The following INPP4A variants were observed in gnomAD, a reference collection of about 807,000 sequenced individuals.
INPP4A encodes the protein inositol polyphosphate-4-phosphatase, type I, 107kD.
INPP4A carries 33 observed loss-of-function variants against 119.8 expected under a neutral mutation model. The ratio of observed to expected loss-of-function variants is 0.28; its 90% CI spans 0.21 to 0.37. INPP4A has a LOEUF of 0.37. INPP4A is among the 10% of genes least tolerant of loss of function. The pLI, the probability that INPP4A is intolerant of heterozygous loss-of-function variation, is 1.00. For missense variants in INPP4A, 956 were observed against 1,289.9 expected, an observed-to-expected ratio of 0.74 and a Z score of 3.97; for synonymous variants, 496 against 500.7, an observed-to-expected ratio of 0.99 and a Z score of 0.12.
At chr2:98,509,064 G>A (rs1684641115) in intron 1 of INPP4A, among the ~76,000 whole-genome samples, 1 of 152,178 alleles carries the variant, frequency 6.6e-6, no homozygotes. Context: ...CTTCAGAAGA[G>A]GCTTGGCCCC....
chr2:98,509,888 A>G (rs1396818252), intron 1 of INPP4A, among the ~76,000 whole-genome samples: 1 of 152,256 alleles, frequency 6.6e-6, no homozygotes, highest in Non-Finnish European at 1.5e-5. Context: ...GGGCTGTCCC[A>G]AAGAACTCCA....
At chr2:98,556,697 T>C (rs993011761) in intron 16 of INPP4A, among the ~76,000 whole-genome samples, 2 of 152,244 alleles carry the variant, frequency 1.3e-5, no homozygotes, top group African/African-American at 4.8e-5. Flanking sequence ...AAATTCTGAA[T>C]TGGAGAACTT....
rs771298129 is a variant in INPP4A at position 98,546,688 on chromosome 2, A to G, written c.1157A>G (p.Lys386Arg). 3.8e-6 allele frequency: 6 copies of G among 1,584,850 alleles called. No homozygotes were observed. In the East Asian group the frequency reaches 1.1e-4, roughly 30 times the overall value. ...RKKLHKFEET[K>R]KHTSSGCQSI... ...AAGCTGCACAAATTTGAAGAGACCA[A>G]GAAACAGTAAGTAGCCAGAGAGGGT... is the stretch of plus-strand genomic sequence containing the variant. The change falls in exon 13 of 25, where the codon AAG (lysine) becomes AGG (arginine). Residue 386 changes from lysine to arginine, a missense_variant. By Grantham distance (26) the Lys-to-Arg change is conservative. Around this residue, in one of 2 missense-constraint regions of INPP4A, gnomAD observed 652 missense variants for 797.9 expected, o/e 0.82. Coordinates refer to ENST00000409851, the MANE Select transcript of INPP4A (RefSeq NM_001134225.2). This position sits in a 1 kb window ranked among gnomAD's most constrained non-coding sequence, Gnocchi z 4.2.
At position 98,587,486 on chromosome 2, in the gene INPP4A, C is replaced by T. The variant is rs1370549873; in HGVS notation, c.2797C>T (p.Arg933Ter). The change falls in exon 25 of 25, where the codon CGA (arginine) becomes TGA (stop). Residue 933 changes from arginine (R) to a stop codon, truncating the protein, a stop_gained. Coordinates refer to ENST00000409851, the MANE Select transcript of INPP4A (RefSeq NM_001134225.2). LOFTEE classifies it high-confidence loss of function. ...ALECMRSEGC[R>*]RENTMKNVGS... is the part of the protein sequence containing the mutation. Reference sequence around the variant, plus strand: ...TTGTTTTTTCCCCAGTGAGGGTTGTCGAAGAGAAAATACAATGAAGAATGT... The same window carrying T: ...TTGTTTTTTCCCCAGTGAGGGTTGTTGAAGAGAAAATACAATGAAGAATGT... 5 of 1,587,080 alleles carry T rather than the reference C, an allele frequency of 3.2e-6. No individual in the cohort carries two copies. The highest frequency in any genetic ancestry group is 3.4e-6 in the Non-Finnish European group (4 of 1,169,236).
chr2:98,552,987 C>T lies in INPP4A; in HGVS notation c.1347+18C>T, dbSNP rs1217412779. 1.9e-6 allele frequency: 3 copies of T among 1,591,378 alleles called. No homozygotes were observed. Among genetic ancestry groups the T allele is most frequent in the South Asian group, 1.1e-5 (1 of 87,948 alleles). ...CAGACAAGGTAGGAGGGGTGCCCTG[C>T]TACATATGGGCTGGGGAGTTTCCTT... is the stretch of plus-strand genomic sequence containing the variant. On this transcript the variant is annotated intron_variant, in intron 14 of 24. Transcript: ENST00000409851.
chr2:98,482,888 C>CT (rs1010354087), intron 1 of INPP4A, among the ~76,000 whole-genome samples: 8 of 152,210 alleles, frequency 5.3e-5, no homozygotes, highest in South Asian at 4.1e-4. Context: ...AAACCTGACA[C>CT]TTTTTTAGCA....
At chr2:98,457,358 TACCAGCCTGGTCGGTATAGTGAG>T (rs1696299596) in intron 1 of INPP4A, among the ~76,000 whole-genome samples, 1 of 152,160 alleles carries the variant, frequency 6.6e-6, no homozygotes, top group Admixed American at 6.5e-5. Flanking sequence ...AGGAGTTTGA[TACCAGCCTGGTCGGTATAGTGAG>T]ACCAGCCTGT....
At chr2:98,468,743 G>C (rs948232848) in intron 1 of INPP4A, among the ~76,000 whole-genome samples, 1 of 152,130 alleles carries the variant, frequency 6.6e-6, no homozygotes. Flanking sequence ...GATAGAAGTC[G>C]ATAACTCCTC....
chr2:98,524,770 A>T (rs1234844015), intron 4 of INPP4A, among the ~76,000 whole-genome samples: 1 of 152,222 alleles, frequency 6.6e-6, no homozygotes, highest in Non-Finnish European at 1.5e-5. Context: ...ATAATAGAAG[A>T]AACAAAAGAG....
At position 98,539,628 on chromosome 2, in the gene INPP4A, C is replaced by T. The variant is rs781432748; in HGVS notation, c.771C>T (p.His257=). 39 of 1,610,792 alleles carry T rather than the reference C, an allele frequency of 2.4e-5. No individual in the cohort carries two copies. Among genetic ancestry groups the T allele is most frequent in the Non-Finnish European group, 2.8e-5 (33 of 1,178,582 alleles). The change falls in exon 10 of 25, where the codon CAC becomes CAT. Residue 257 remains histidine, a synonymous_variant. Transcript: ENST00000409851. ...EQMAESVLSL[H]VPRQFVKLLL... The stretch of plus-strand genomic sequence containing the variant: ...TGGCAGAGAGCGTGCTCTCCCTGCA[C>T]GTGCCCCGGCAGTTCGTGAAGCTCC...
At chr2:98,562,434 CAG>C (rs1695657844) in intron 17 of INPP4A, among the ~76,000 whole-genome samples, 1 of 152,212 alleles carries the variant, frequency 6.6e-6, no homozygotes, top group East Asian at 1.9e-4. Flanking sequence ...TTATCTAAGA[CAG>C]AGTTTATCCT....
chr2:98,571,564 C>T lies in INPP4A; in HGVS notation c.2519-1251C>T, dbSNP rs145576321. On this transcript the variant is annotated intron_variant, in intron 22 of 24. Coordinates refer to ENST00000409851, the MANE Select transcript of INPP4A (RefSeq NM_001134225.2). ...GAAGGCCCAGGATGGGCGAGGCCTCCGGAAGCAGAGCAGCCAGGCTGGACC... is the reference window on the plus strand; with the variant it reads ...GAAGGCCCAGGATGGGCGAGGCCTCTGGAAGCAGAGCAGCCAGGCTGGACC... Among the ~76,000 whole-genome samples the T allele has an allele frequency of 8.9e-4, 136 of 152,328 alleles. 1 individual carries two copies. In the East Asian group the frequency reaches 0.011, roughly 12 times the overall value.
intron 1 of INPP4A, among the ~76,000 whole-genome samples, chr2:98,515,014 T>G (rs1020615217): frequency 6.6e-6 from 1 of 151,636 alleles, no homozygotes; most frequent in Non-Finnish European, 1.5e-5. Context: ...TCCCGGAGAG[T>G]GGCACATAGG....
intron 17 of INPP4A, among the ~76,000 whole-genome samples, chr2:98,562,598 G>A (rs937634395): frequency 2.0e-5 from 3 of 152,184 alleles, no homozygotes; most frequent in African/African-American, 7.2e-5. Flanking sequence ...TGGTGTGGTG[G>A]ATTCACCAAG....
intron 21 of INPP4A, 86 bp from the exon 22 acceptor site, chr2:98,568,485 C>T: frequency 1.5e-6 from 1 of 679,190 alleles, no homozygotes; most frequent in Non-Finnish European, 2.7e-6. Flanking sequence ...TTGAGAGAAT[C>T]AGCATAGTTA....
rs192622998 is a variant in INPP4A at position 98,590,068 on chromosome 2, A to G, written c.*2460A>G. 1.7e-3 allele frequency: 317 copies of G among 192,062 alleles called. 3 individuals are homozygous for G. Among genetic ancestry groups the G allele is most frequent in the Admixed American group, 0.015 (253 of 16,336 alleles). 11.9% of individuals were successfully genotyped at this position (192,062 alleles called of 1,614,324 possible). A position where few individuals can be genotyped will look rare whatever the true frequency, so the allele number is the denominator to read the frequency against. ...TATATAAACATACAGTTACTGTTTTATATATTCTTAGGTCATTCAAAGCCA... is the reference window on the plus strand; with the variant it reads ...TATATAAACATACAGTTACTGTTTTGTATATTCTTAGGTCATTCAAAGCCA... On this transcript the variant is annotated 3_prime_UTR_variant, in exon 25 of 25. Transcript: ENST00000409851.
At chr2:98,557,449 G>A (rs1451333431) in intron 16 of INPP4A, among the ~76,000 whole-genome samples, 1 of 152,220 alleles carries the variant, frequency 6.6e-6, no homozygotes, top group Non-Finnish European at 1.5e-5. Flanking sequence ...ACCAGTCTGT[G>A]AGCTATTTAT....
chr2:98,579,867 AAAAAC>A (rs1328530720), intron 24 of INPP4A, among the ~76,000 whole-genome samples: 5 of 152,270 alleles, frequency 3.3e-5, no homozygotes, highest in Non-Finnish European at 5.9e-5. Flanking sequence ...AAGAAGTTAT[AAAAAC>A]AAAACAAAGC....
At chr2:98,491,725 GCA>G (rs1680822648) in intron 1 of INPP4A, among the ~76,000 whole-genome samples, 1 of 152,204 alleles carries the variant, frequency 6.6e-6, no homozygotes, top group Non-Finnish European at 1.5e-5. Flanking sequence ...ACCCTTAGGG[GCA>G]CACAGTCATG....
Sources: allele counts gnomAD v4.1 joint callset (sites outside exome capture counted in the v4.1 genomes callset), GRCh38; gene constraint gnomAD v4.1.1; regional missense constraint gnomAD v4.1.1; non-coding constraint Gnocchi (gnomAD v3.1); transcripts MANE v1.5; gene names NCBI Gene and HGNC (gene_info 2026-07-23, HGNC 2026-07-21).